The following ZNF776 variants were observed in gnomAD, a reference collection of about 807,000 sequenced individuals.
ZNF776 encodes zinc finger protein 776.
A neutral mutation model predicts 7.0 loss-of-function variants in ZNF776; 4 were observed. The ratio of observed to expected loss-of-function variants is 0.57; its 90% CI spans 0.28 to 1.31. The LOEUF is 1.31. Ranked by LOEUF, ZNF776 falls within the 50% of genes most tolerant of loss-of-function variation. The probability of loss-of-function intolerance (pLI) is 0.10; values close to 1 mark genes in which losing one functional copy is unlikely to be tolerated. For missense variants in ZNF776, 555 were observed against 625.9 expected (o/e 0.89, Z 1.21); for synonymous variants, 212 against 213.7 (o/e 0.99, Z 0.07).
intron 2 of ZNF776, 106 bp downstream of exon 2, chr19:57,751,017 G>A: frequency 7.4e-7 from 1 of 1,354,706 alleles, no homozygotes; most frequent in Middle Eastern, 1.9e-4. Context: ...CCTGGGCACA[G>A]GTTCCTCTGT....
chr19:57,751,013 C>A (rs145557229), intron 2 of ZNF776, 102 bp downstream of exon 2: 2 of 1,373,512 alleles, frequency 1.5e-6, no homozygotes, highest in African/African-American at 1.5e-5. Flanking sequence ...GGAGCCTGGG[C>A]ACAGGTTCCT....
At position 57,756,315 on chromosome 19, in the gene ZNF776, TC is replaced by T. The variant is rs1452894410; in HGVS notation, c.*1629del. The T allele has an allele frequency of 2.0e-5, 3 of 152,158 alleles. No individual in the cohort carries two copies. The highest frequency in any genetic ancestry group is 7.2e-5 in the African/African-American group (3 of 41,416). 9.4% of individuals were successfully genotyped at this position (152,158 alleles called of 1,614,324 possible). ...CCAAGTACAAGCTGCCTCTCATTGT[TC>T]TGGTTTCTGCTATGATGAAGTCCTT... On this transcript the variant is annotated 3_prime_UTR_variant, in exon 3 of 3. Coordinates refer to ENST00000317178, the MANE Select transcript of ZNF776 (RefSeq NM_173632.4).
In ZNF776 at chr19:57,746,989, G is replaced by C; in HGVS notation, c.-70G>C. The C allele has an allele frequency of 2.1e-6, 3 of 1,462,960 alleles. No individual in the cohort carries two copies. The highest frequency in any genetic ancestry group is 2.8e-6 in the Non-Finnish European group (3 of 1,084,500). 90.6% of individuals were successfully genotyped at this position (1,462,960 alleles called of 1,614,324 possible). On this transcript the variant is annotated 5_prime_UTR_variant, in exon 1 of 3. Coordinates refer to ENST00000317178, the MANE Select transcript of ZNF776 (RefSeq NM_173632.4). ...CGTGACCCGCACCAAGGCCGGGATC[G>C]GGACCACCGTGCCCGGGTACCTGCA... is the stretch of plus-strand genomic sequence containing the variant.
chr19:57,755,021 G>A lies in ZNF776; in HGVS notation c.*334G>A. The A allele has an allele frequency of 1.2e-5, 3 of 242,158 alleles. No individual in the cohort carries two copies. The highest frequency in any genetic ancestry group is 2.2e-5 in the African/African-American group (1 of 44,522). 15.0% of individuals were successfully genotyped at this position (242,158 alleles called of 1,614,324 possible). ...GTTGAGAAAGGCCATATGACTGTAAGGAATTTGTAAAATTATTTAGCCAGA... is the reference window on the plus strand; with the variant it reads ...GTTGAGAAAGGCCATATGACTGTAAAGAATTTGTAAAATTATTTAGCCAGA... On this transcript the variant is annotated 3_prime_UTR_variant, in exon 3 of 3. Coordinates refer to ENST00000317178, the MANE Select transcript of ZNF776 (RefSeq NM_173632.4).
Position 57,754,645 on chromosome 19 carries a change from A to G in ZNF776, c.1515A>G (p.Lys505=), listed in dbSNP as rs1269657559. Residue 505 remains lysine (K), a synonymous_variant, in exon 3 of 3, where the codon AAA becomes AAG. Transcript: ENST00000317178. Reference sequence around the variant, plus strand: ...TTCGTCAAAAGGGAAACCTCATTAAACATCAACGAGTTCACACGGGAGAAA... The same window carrying G: ...TTCGTCAAAAGGGAAACCTCATTAAGCATCAACGAGTTCACACGGGAGAAA... The part of the protein sequence containing the change: ...KCFRQKGNLI[K]HQRVHTGERH... The G allele has an allele frequency of 6.2e-7, 1 of 1,613,520 alleles. No homozygotes were observed. Among genetic ancestry groups the G allele is most frequent in the East Asian group, 2.2e-5 (1 of 44,848 alleles).
intron 2 of ZNF776, among the ~76,000 whole-genome samples, chr19:57,751,713 T>C (rs1986606769): frequency 6.6e-6 from 1 of 151,046 alleles, no homozygotes; most frequent in South Asian, 2.1e-4. Context: ...GGTTTCACTG[T>C]CATCCAGGCT....
intron 2 of ZNF776, among the ~76,000 whole-genome samples, chr19:57,751,963 C>T (rs934497324): frequency 6.9e-6 from 1 of 144,284 alleles, no homozygotes; most frequent in Non-Finnish European, 1.5e-5. Flanking sequence ...CCTCCGCTTC[C>T]CAGGTTCACA....
chr19:57,755,533 CTCT>C lies in ZNF776; in HGVS notation c.*851_*853del, dbSNP rs1237077075. The C allele has an allele frequency of 6.6e-6, 1 of 152,214 alleles. No homozygotes were observed. The highest frequency in any genetic ancestry group is 2.4e-5 in the African/African-American group (1 of 41,460). 9.4% of individuals were successfully genotyped at this position (152,214 alleles called of 1,614,324 possible). ...GTGCAGAGCATTTGCGAGGGCTTCA[CTCT>C]TCTTTCACTGGATACCAGAATGTTG... On this transcript the variant is annotated 3_prime_UTR_variant, in exon 3 of 3. Coordinates refer to ENST00000317178, the MANE Select transcript of ZNF776 (RefSeq NM_173632.4).
intron 1 of ZNF776, among the ~76,000 whole-genome samples, chr19:57,748,846 G>T (rs559598063): frequency 6.6e-6 from 1 of 152,242 alleles, no homozygotes; most frequent in African/African-American, 2.4e-5. Flanking sequence ...GTGCAATCAA[G>T]ATTTGAGATG....
At chr19:57,748,271 A>G (rs1228603725) in intron 1 of ZNF776, among the ~76,000 whole-genome samples, 1 of 152,220 alleles carries the variant, frequency 6.6e-6, no homozygotes, top group Non-Finnish European at 1.5e-5. Flanking sequence ...GCATGAAGAG[A>G]GCAATCAGGA....
rs557377350 is a variant in ZNF776, at chr19:57,754,093, A to C, written c.963A>C (p.Glu321Asp). 1.3e-4 allele frequency: 216 copies of C among 1,606,846 alleles called. 2 individuals are homozygous for C. The Admixed American group carries it at 2.1e-3, about 16-fold the overall frequency. ...QRVHTGERPYECDECGKSFSH... is the reference protein window; with the variant it reads ...QRVHTGERPYDCDECGKSFSH... ...TTCACACTGGAGAAAGACCTTATGA[A>C]TGTGACGAATGTGGGAAATCTTTTA... is the stretch of plus-strand genomic sequence containing the variant. The change falls in exon 3 of 3, where the codon GAA becomes GAC. Residue 321 changes from glutamate to aspartate, a missense_variant. Physicochemically the swap from Glu to Asp is conservative, Grantham distance 45. Coordinates refer to ENST00000317178, the MANE Select transcript of ZNF776 (RefSeq NM_173632.4).
In ZNF776 at chr19:57,748,017, A is replaced by G. The variant is rs548597093; in HGVS notation, c.33+926A>G. Among the ~76,000 whole-genome samples the G allele has an allele frequency of 3.9e-5, 6 of 152,292 alleles. No homozygotes were observed. The East Asian group carries it at 9.7e-4, about 25-fold the overall frequency. On this transcript the variant is annotated intron_variant, in intron 1 of 2. Coordinates refer to ENST00000317178, the MANE Select transcript of ZNF776 (RefSeq NM_173632.4). ...TAGTACCAGGATGTGAAATGCTTAG[A>G]GGTGAAACTGACCAGAGGGAGGAGG...
Position 57,754,429 on chromosome 19 carries a change from G to A in ZNF776, c.1299G>A (p.Glu433=). 1.9e-6 allele frequency: 3 copies of A among 1,614,024 alleles called. No individual in the cohort carries two copies. Among genetic ancestry groups the A allele is most frequent in the Non-Finnish European group, 2.5e-6 (3 of 1,180,012 alleles). Residue 433 remains glutamate (E), a synonymous_variant, in exon 3 of 3, where the codon GAG becomes GAA. Transcript: ENST00000317178. ...QRVHTGERPY[E]CRECGKCFHQ... ...TTCACACTGGAGAAAGGCCATATGA[G>A]TGTAGAGAATGTGGGAAATGTTTTC...
chr19:57,754,283 T>G lies in ZNF776; in HGVS notation c.1153T>G (p.Phe385Val), dbSNP rs766837454. The G allele has an allele frequency of 1.2e-6, 2 of 1,613,920 alleles. No individual in the cohort carries two copies. Among genetic ancestry groups the G allele is most frequent in the East Asian group, 4.5e-5 (2 of 44,852 alleles). Residue 385 changes from phenylalanine (F) to valine (V), a missense_variant, in exon 3 of 3, where the codon TTT (phenylalanine) becomes GTT (valine). By Grantham distance (50) the Phe-to-Val change is conservative. Transcript: ENST00000317178. ...TGAGTGTACGGCATGTGGGAAGTTA[T>G]TTAGGAGCAACTCCCACCTAAAGGA... ...PFECTACGKL[F>V]RSNSHLKEHQ...
chr19:57,753,156 G>T, intron 2 of ZNF776, 135 bp from the exon 3 acceptor site: 1 of 790,204 alleles, frequency 1.3e-6, no homozygotes, highest in South Asian at 1.8e-5. Flanking sequence ...CATAAAGCAT[G>T]TGGGTGCTAT....
intron 2 of ZNF776, among the ~76,000 whole-genome samples, chr19:57,752,322 AT>A (rs1435042135): frequency 6.6e-6 from 1 of 152,078 alleles, no homozygotes; most frequent in Non-Finnish European, 1.5e-5. Context: ...TCTTTGTAGT[AT>A]TTAGTTTTCT....
chr19:57,753,746 A>G lies in ZNF776; in HGVS notation c.616A>G (p.Thr206Ala), dbSNP rs1221050678. The change falls in exon 3 of 3, where the codon ACT becomes GCT. Residue 206 changes from threonine (T) to alanine (A), a missense_variant. Coordinates refer to ENST00000317178, the MANE Select transcript of ZNF776 (RefSeq NM_173632.4). ...TGGGATACCCCTTCAGGGTGGAAAAACTCATTACATCTGTGGAGAGTCCAC... is the reference window on the plus strand; with the variant it reads ...TGGGATACCCCTTCAGGGTGGAAAAGCTCATTACATCTGTGGAGAGTCCAC... ...KHGIPLQGGKTHYICGESTIP... is the reference protein window; with the variant it reads ...KHGIPLQGGKAHYICGESTIP... 2.0e-5 allele frequency: 32 copies of G among 1,614,106 alleles called. No homozygotes were observed. Among genetic ancestry groups the G allele is most frequent in the Middle Eastern group, 1.6e-4 (1 of 6,062 alleles).
rs1405505497 is a variant in ZNF776 at position 57,757,454 on chromosome 19, A to G, written c.*2767A>G. ...TTAGTCCAGTGATGTGGCCTTTGCA[A>G]CCAGCCAGCATTCCAATTTAATCAG... On this transcript the variant is annotated 3_prime_UTR_variant, in exon 3 of 3. Transcript: ENST00000317178. 2.0e-5 allele frequency: 3 copies of G among 152,268 alleles called. No individual in the cohort carries two copies. Among genetic ancestry groups the G allele is most frequent in the African/African-American group, 7.2e-5 (3 of 41,458 alleles). 9.4% of individuals were successfully genotyped at this position (152,268 alleles called of 1,614,324 possible).
chr19:57,746,909 GA>G lies in ZNF776; in HGVS notation c.-149del. 1.4e-6 allele frequency: 1 copy of G among 694,200 alleles called. No individual in the cohort carries two copies. Among genetic ancestry groups the G allele is most frequent in the Non-Finnish European group, 2.3e-6 (1 of 428,214 alleles). 43.0% of individuals were successfully genotyped at this position (694,200 alleles called of 1,614,324 possible). A position where few individuals can be genotyped will look rare whatever the true frequency, so the allele number is the denominator to read the frequency against. On this transcript the variant is annotated 5_prime_UTR_variant, in exon 1 of 3. Coordinates refer to ENST00000317178, the MANE Select transcript of ZNF776 (RefSeq NM_173632.4). ...GTGACTGAACCCAGAAGGTGGAGAC[GA>G]GACGTTGTCCCGACTGCACAGAGGC...
Sources: gnomAD v4.1 joint callset for allele counts (sites outside exome capture counted in the v4.1 genomes callset) on GRCh38, gnomAD v4.1.1 for gene constraint, MANE v1.5 for transcripts, NCBI Gene and HGNC (gene_info 2026-07-23, HGNC 2026-07-21) for gene names.